The following ELMOD1 variants were observed in gnomAD, a reference collection of about 807,000 sequenced individuals.
The protein encoded by ELMOD1 is ELMO domain containing 1.
A neutral mutation model predicts 46.7 loss-of-function variants in ELMOD1; 21 were observed. The ratio of observed to expected loss-of-function variants is 0.45; its 90% confidence interval spans 0.32 to 0.65. ELMOD1 has a LOEUF of 0.65. ELMOD1 is among the 30% of genes least tolerant of loss of function. ELMOD1 has a pLI of 0.04. For synonymous variants in ELMOD1, 122 were observed against 138.2 expected (o/e 0.88, Z 0.82); for missense variants, 348 against 407.8 (o/e 0.85, Z 1.26).
chr11:107,599,190 G>A (rs374019954), intron 1 of ELMOD1, among the ~76,000 whole-genome samples: 14 of 152,242 alleles, frequency 9.2e-5, no homozygotes, highest in African/African-American at 2.9e-4. Context: ...AATTGATTTA[G>A]TACAGAGATG....
chr11:107,654,748 G>A (rs1268309402), intron 10 of ELMOD1, among the ~76,000 whole-genome samples: 2 of 130,942 alleles, frequency 1.5e-5, no homozygotes, highest in Non-Finnish European at 3.1e-5. Context: ...CAGCCTGGGC[G>A]ACAAAGCGAG....
chr11:107,597,697 A>G (rs1418109717), intron 1 of ELMOD1, among the ~76,000 whole-genome samples: 4 of 150,704 alleles, frequency 2.7e-5, no homozygotes, highest in Admixed American at 2.0e-4. Context: ...TTTGACTTAT[A>G]ATGAATGTAT....
intron 2 of ELMOD1, among the ~76,000 whole-genome samples, chr11:107,623,023 G>A (rs1361266675): frequency 5.9e-5 from 9 of 151,996 alleles, no homozygotes; most frequent in East Asian, 1.9e-4. Flanking sequence ...TGTGCACAAC[G>A]TGCAGGTTTG....
chr11:107,656,951 T>C (rs567371051), intron 11 of ELMOD1, among the ~76,000 whole-genome samples: 1 of 152,178 alleles, frequency 6.6e-6, no homozygotes, highest in Non-Finnish European at 1.5e-5. Context: ...TGAAGTCTTA[T>C]ATTTGAATAA....
chr11:107,662,169 T>TCC (rs2135719984), intron 11 of ELMOD1, among the ~76,000 whole-genome samples: 1 of 151,712 alleles, frequency 6.6e-6, no homozygotes, highest in South Asian at 2.1e-4. Context: ...AGAGACAGAG[T>TCC]CTCTCTCTCT....
At chr11:107,606,201 T>C (rs1213094131) in intron 1 of ELMOD1, among the ~76,000 whole-genome samples, 1 of 152,230 alleles carries the variant, frequency 6.6e-6, no homozygotes, top group African/African-American at 2.4e-5. Context: ...TAACGACATA[T>C]GAAGCAGGAT....
At chr11:107,621,716 A>T (rs1591114095) in intron 2 of ELMOD1, among the ~76,000 whole-genome samples, 1 of 63,104 alleles carries the variant, frequency 1.6e-5, no homozygotes, top group Non-Finnish European at 5.3e-5. Flanking sequence ...ACTGTGAGGT[A>T]TTGTAGGTGA....
At chr11:107,661,481 A>C (rs925162037) in intron 11 of ELMOD1, among the ~76,000 whole-genome samples, 1 of 152,262 alleles carries the variant, frequency 6.6e-6, no homozygotes, top group African/African-American at 2.4e-5. Context: ...GCTGTCACTC[A>C]TGAAATACTA....
At chr11:107,641,558 G>A (rs1374858890) in intron 6 of ELMOD1, among the ~76,000 whole-genome samples, 2 of 152,114 alleles carry the variant, frequency 1.3e-5, no homozygotes, top group Non-Finnish European at 2.9e-5. Flanking sequence ...AAACTAGTTG[G>A]AGAAGAGAGT....
chr11:107,598,877 T>C (rs1865539444), intron 1 of ELMOD1, among the ~76,000 whole-genome samples: 1 of 152,222 alleles, frequency 6.6e-6, no homozygotes, highest in Admixed American at 6.5e-5. Flanking sequence ...CAGAACAAAT[T>C]CCATTTCTGC....
At chr11:107,645,334 G>GT (rs1301557472) in intron 6 of ELMOD1, among the ~76,000 whole-genome samples, 6 of 149,834 alleles carry the variant, frequency 4.0e-5, no homozygotes, top group Non-Finnish European at 7.4e-5. Context: ...TTTGTTTTTT[G>GT]TTTTTTTTAG....
chr11:107,600,770 G>T (rs1865583863), intron 1 of ELMOD1: 1 of 152,610 alleles, frequency 6.6e-6, no homozygotes, highest in Admixed American at 6.5e-5. Flanking sequence ...CATCTGTAAT[G>T]TGTGGCCTGA....
chr11:107,616,980 G>A (rs967584930), intron 1 of ELMOD1, among the ~76,000 whole-genome samples: 1 of 152,092 alleles, frequency 6.6e-6, no homozygotes, highest in African/African-American at 2.4e-5. Context: ...AAACACAAAA[G>A]TACAAAGGAT....
chr11:107,593,421 A>T (rs1439792333), intron 1 of ELMOD1, among the ~76,000 whole-genome samples: 1 of 152,256 alleles, frequency 6.6e-6, no homozygotes, highest in African/African-American at 2.4e-5. Flanking sequence ...GAAAAATTCT[A>T]TGAAATGGAC....
intron 4 of ELMOD1, 117 bp downstream of exon 4, chr11:107,630,845 T>A: frequency 1.0e-6 from 1 of 979,774 alleles, no homozygotes. Flanking sequence ...TACTGCCAAC[T>A]GAGAAGAAAT....
In ELMOD1 at chr11:107,621,641, C is replaced by T. The variant is rs561552854; in HGVS notation, c.17+3435C>T. Among the ~76,000 whole-genome samples the T allele has an allele frequency of 7.9e-5, 12 of 152,364 alleles. No homozygotes were observed. In the East Asian group the frequency reaches 2.3e-3, roughly 29 times the overall value. The stretch of plus-strand genomic sequence containing the variant: ...ACAAAGGCACATAGATGTTTGAATG[C>T]AGGCCTCTTTGACTTCCAAGCTGTT... On this transcript the variant is annotated intron_variant, in intron 2 of 11. Transcript: ENST00000265840.
intron 1 of ELMOD1, chr11:107,591,911 G>A (rs761839378): frequency 1.6e-5 from 8 of 501,092 alleles, no homozygotes; most frequent in South Asian, 1.2e-4. Context: ...AGCGAGCTGG[G>A]AGGAGCGGTC....
intron 6 of ELMOD1, 127 bp from the exon 7 acceptor site, chr11:107,647,341 A>G (rs1476059798): frequency 4.5e-6 from 3 of 659,418 alleles, no homozygotes; most frequent in Non-Finnish European, 7.1e-6. Context: ...AGATGATCAC[A>G]TCTTTAATTG....
At chr11:107,662,650 C>T (rs572148724) in intron 11 of ELMOD1, among the ~76,000 whole-genome samples, 1 of 151,042 alleles carries the variant, frequency 6.6e-6, no homozygotes, top group Non-Finnish European at 1.5e-5. Context: ...GTAAGCCAGG[C>T]GTGGTGGCTC....
Sources: allele counts gnomAD v4.1 joint callset (sites outside exome capture counted in the v4.1 genomes callset), GRCh38; gene constraint gnomAD v4.1.1; transcripts MANE v1.5; gene names NCBI Gene and HGNC (gene_info 2026-07-23, HGNC 2026-07-21).